The following PCDHGA7 variants were observed in gnomAD, a reference collection of about 807,000 sequenced individuals.
PCDHGA7 encodes protocadherin gamma subfamily A, 7.
PCDHGA7 carries 44 observed loss-of-function variants against 58.3 expected under a neutral mutation model. The ratio of observed to expected loss-of-function variants is 0.75; its 90% CI spans 0.59 to 0.97. The LOEUF (loss-of-function observed/expected upper bound fraction) is 0.97. PCDHGA7 is among the 50% of genes least tolerant of loss of function. The pLI is 0.00. For synonymous variants in PCDHGA7, 516 were observed against 504.2 expected (o/e 1.02, Z -0.31); for missense variants, 1,266 against 1,188.7 (o/e 1.06, Z -0.96).
At chr5:141,467,768 C>T (rs2099151160) in intron 1 of PCDHGA7, among the ~76,000 whole-genome samples, 2 of 151,794 alleles carry the variant, frequency 1.3e-5, no homozygotes, top group African/African-American at 2.4e-5. Flanking sequence ...CTCAAGTGCC[C>T]GCACCTCAGC....
intron 2 of PCDHGA7, among the ~76,000 whole-genome samples, chr5:141,495,702 T>G (rs1462896403): frequency 6.6e-6 from 1 of 152,212 alleles, no homozygotes; most frequent in African/African-American, 2.4e-5. Context: ...TCAATAAATG[T>G]GGAGTGAGTA....
chr5:141,475,128 C>T (rs775275292), intron 1 of PCDHGA7, among the ~76,000 whole-genome samples: 3 of 151,894 alleles, frequency 2.0e-5, no homozygotes, highest in Non-Finnish European at 4.4e-5. Context: ...GGCTTTTTTT[C>T]TTTTTGAAAT....
chr5:141,506,209 G>A (rs549403288), intron 3 of PCDHGA7, among the ~76,000 whole-genome samples: 3 of 152,284 alleles, frequency 2.0e-5, no homozygotes, highest in African/African-American at 7.2e-5. Context: ...CCAGCACTTT[G>A]GGAAGCTGAG....
At position 141,477,592 on chromosome 5, in the gene PCDHGA7, T is replaced by G; in HGVS notation, c.2425-17215T>G. On this transcript the variant is annotated intron_variant, in intron 1 of 3. Coordinates refer to ENST00000518325, the MANE Select transcript of PCDHGA7 (RefSeq NM_018920.4). The surrounding 1 kb of genome is among the most constrained non-coding windows in gnomAD (Gnocchi z 4.9). ...CCGACGCCCCGCAGAATGCTCGGCT[T>G]TCTTTCTTTCTCTTGGAGCAAGGAG... The G allele has an allele frequency of 6.2e-7, 1 of 1,614,142 alleles. No homozygotes were observed. Among genetic ancestry groups the G allele is most frequent in the Non-Finnish European group, 8.5e-7 (1 of 1,180,014 alleles).
intron 1 of PCDHGA7, chr5:141,416,991 T>A (rs1052950610): frequency 2.0e-5 from 3 of 151,906 alleles, no homozygotes; most frequent in Non-Finnish European, 4.4e-5. Context: ...TTATTGTGCA[T>A]TCATCTCAAA....
chr5:141,490,200 A>G lies in PCDHGA7; in HGVS notation c.2425-4607A>G. 6.2e-6 allele frequency: 10 copies of G among 1,614,198 alleles called. No homozygotes were observed. The highest frequency in any genetic ancestry group is 8.5e-6 in the Non-Finnish European group (10 of 1,180,032). ...AGTCACGTTTCTATGAAATTCATGC[A>G]AGAGCCCGTGACCAGGGACAGCCTG... On this transcript the variant is annotated intron_variant, in intron 1 of 3. Coordinates refer to ENST00000518325, the MANE Select transcript of PCDHGA7 (RefSeq NM_018920.4). The surrounding 1 kb of genome is among the most constrained non-coding windows in gnomAD (Gnocchi z 5.4).
chr5:141,420,061 G>C, intron 1 of PCDHGA7: 1 of 1,614,076 alleles, frequency 6.2e-7, no homozygotes. Flanking sequence ...TCTGCTCCAA[G>C]TCCGGACCTG....
chr5:141,476,839 G>A lies in PCDHGA7; in HGVS notation c.2425-17968G>A, dbSNP rs372676286. The A allele has an allele frequency of 5.0e-6, 8 of 1,613,490 alleles. No homozygotes were observed. Among genetic ancestry groups the A allele is most frequent in the South Asian group, 1.1e-5 (1 of 91,088 alleles). On this transcript the variant is annotated intron_variant, in intron 1 of 3. Transcript: ENST00000518325. The surrounding 1 kb of genome is among the most constrained non-coding windows in gnomAD (Gnocchi z 7.6). ...AGGTGCTGGACGCGAATGACAATGC[G>A]CCTGTCTTCAACCAGTCCTTGTACC...
At chr5:141,385,442 G>A (rs949035085) in intron 1 of PCDHGA7, 119 bp downstream of exon 1, 28 of 1,449,952 alleles carry the variant, frequency 1.9e-5, no homozygotes, top group South Asian at 1.5e-5. Flanking sequence ...AGGTAAAAAT[G>A]AGTTTACCAG....
Position 141,387,642 on chromosome 5 carries a change from C to G in PCDHGA7, c.2424+2319C>G, listed in dbSNP as rs554256672. The G allele has an allele frequency of 4.8e-6, 3 of 622,368 alleles. No homozygotes were observed. In the Admixed American group the frequency reaches 1.0e-4, roughly 21 times the overall value. The allele number at this position is 622,368 out of a possible 1,614,324, so 38.6% of individuals were successfully genotyped here. A position where few individuals can be genotyped will look rare whatever the true frequency, so the allele number is the denominator to read the frequency against. On this transcript the variant is annotated intron_variant, in intron 1 of 3. Transcript: ENST00000518325. Reference sequence around the variant, plus strand: ...TGCTGACTCTGGGCGCCGCTGTTGGCCAAAGTGGAGAGCTTGGCGCTCCAG... The same window carrying G: ...TGCTGACTCTGGGCGCCGCTGTTGGGCAAAGTGGAGAGCTTGGCGCTCCAG...
intron 1 of PCDHGA7, among the ~76,000 whole-genome samples, chr5:141,474,420 T>C (rs1260451051): frequency 2.0e-5 from 3 of 152,226 alleles, no homozygotes; most frequent in Admixed American, 2.0e-4. Flanking sequence ...GCCTAGACCA[T>C]TGGTCCTCAC....
At chr5:141,408,889 A>T in intron 1 of PCDHGA7, 3 of 1,613,232 alleles carry the variant, frequency 1.9e-6, no homozygotes, top group Non-Finnish European at 2.5e-6. Flanking sequence ...CTCACATAGA[A>T]ATTTCTGTCA....
chr5:141,463,382 T>C (rs2099057893), intron 1 of PCDHGA7, among the ~76,000 whole-genome samples: 1 of 151,594 alleles, frequency 6.6e-6, no homozygotes, highest in Admixed American at 6.6e-5. Context: ...AGTCTGAAAG[T>C]TGTCTCCAGG....
chr5:141,415,055 C>A (rs767474996), intron 1 of PCDHGA7: 1 of 1,613,402 alleles, frequency 6.2e-7, no homozygotes, highest in Non-Finnish European at 8.5e-7. Context: ...GGGGAGCACA[C>A]GGGCGAGGTG....
rs1475572413 is a variant in PCDHGA7, at chr5:141,432,843, T to G, written c.2424+47520T>G. The G allele has an allele frequency of 6.2e-7, 1 of 1,614,066 alleles. No homozygotes were observed. The highest frequency in any genetic ancestry group is 8.5e-7 in the Non-Finnish European group (1 of 1,180,020). ...TCAGACCTCACTCTGTACCTGGTGGTAGCGGTGGCCGCGGTCTCCTGCGTC... is the reference window on the plus strand; with the variant it reads ...TCAGACCTCACTCTGTACCTGGTGGGAGCGGTGGCCGCGGTCTCCTGCGTC... On this transcript the variant is annotated intron_variant, in intron 1 of 3. Coordinates refer to ENST00000518325, the MANE Select transcript of PCDHGA7 (RefSeq NM_018920.4). This position sits in a 1 kb window ranked among gnomAD's most constrained non-coding sequence, Gnocchi z 6.0.
At position 141,491,919 on chromosome 5, in the gene PCDHGA7, C is replaced by A. The variant is rs1177043977; in HGVS notation, c.2425-2888C>A. 1.5e-6 allele frequency: 2 copies of A among 1,361,778 alleles called. No homozygotes were observed. Among genetic ancestry groups the A allele is most frequent in the South Asian group, 1.6e-5 (1 of 64,218 alleles). 84.4% of individuals were successfully genotyped at this position (1,361,778 alleles called of 1,614,324 possible). A position where few individuals can be genotyped will look rare whatever the true frequency, so the allele number is the denominator to read the frequency against. On this transcript the variant is annotated intron_variant, in intron 1 of 3. Coordinates refer to ENST00000518325, the MANE Select transcript of PCDHGA7 (RefSeq NM_018920.4). The surrounding 1 kb of genome is among the most constrained non-coding windows in gnomAD (Gnocchi z 6.9). ...CACCGGGGGTGGTGGCGACTGTGGGCGAGGGGAGGTGGGACCGACCCCCAC... is the reference window on the plus strand; with the variant it reads ...CACCGGGGGTGGTGGCGACTGTGGGAGAGGGGAGGTGGGACCGACCCCCAC...
chr5:141,408,533 G>A, intron 1 of PCDHGA7: 1 of 1,614,056 alleles, frequency 6.2e-7, no homozygotes, highest in Non-Finnish European at 8.5e-7. Flanking sequence ...AGCTGTGGTG[G>A]AAAATCCTTT....
At chr5:141,421,662 G>A (rs2096591243) in intron 1 of PCDHGA7, 3 of 1,613,844 alleles carry the variant, frequency 1.9e-6, no homozygotes, top group South Asian at 1.1e-5. Context: ...AAGTCAGTGA[G>A]CACGCAATTC....
chr5:141,447,533 G>T (rs2098541881), intron 1 of PCDHGA7, among the ~76,000 whole-genome samples: 1 of 152,120 alleles, frequency 6.6e-6, no homozygotes, highest in South Asian at 2.1e-4. Flanking sequence ...CAAAATTGTT[G>T]GGTTTTAATG....
Sources: gnomAD v4.1 joint callset for allele counts (sites outside exome capture counted in the v4.1 genomes callset) on GRCh38, gnomAD v4.1.1 for gene constraint, Gnocchi (gnomAD v3.1) non-coding constraint, MANE v1.5 for transcripts, NCBI Gene and HGNC (gene_info 2026-07-23, HGNC 2026-07-21) for gene names.